Variants in ANKRD28 observed in about 807,000 individuals in gnomAD.
ANKRD28 encodes the protein serine/threonine-protein phosphatase 6 regulatory ankyrin repeat subunit A.
A neutral mutation model predicts 126.5 loss-of-function variants in ANKRD28; 44 were observed. That is an observed-to-expected ratio of 0.35 (90% confidence interval 0.27 to 0.45). The LOEUF (loss-of-function observed/expected upper bound fraction) is 0.45, where lower values mean the gene tolerates loss of function less well. ANKRD28 is among the 20% of genes least tolerant of loss of function. The pLI is 1.00. For synonymous variants in ANKRD28, 442 were observed against 468.5 expected, an observed-to-expected ratio of 0.94 and a Z score of 0.73; for missense variants, 1,110 against 1,316.6, an observed-to-expected ratio of 0.84 and a Z score of 2.43.
At position 15,667,459 on chromosome 3, in the gene ANKRD28, T is replaced by C. The variant is rs2066039455; in HGVS notation, c.*2811A>G. ...CATCAGATATTTCAGATGTCATCTT[T>C]TATGTATAAGTTAAATAAAGCAAAC... On this transcript the variant is annotated 3_prime_UTR_variant, in exon 28 of 28. Coordinates refer to ENST00000683139, the MANE Select transcript of ANKRD28 (RefSeq NM_001349278.2). The C allele has an allele frequency of 6.6e-6, 1 of 152,256 alleles. No homozygotes were observed. The highest frequency in any genetic ancestry group is 2.1e-4 in the South Asian group (1 of 4,834). 9.4% of individuals were successfully genotyped at this position (152,256 alleles called of 1,614,324 possible).
intron 14 of ANKRD28, among the ~76,000 whole-genome samples, chr3:15,703,638 T>G (rs1362974117): frequency 1.3e-5 from 2 of 152,220 alleles, no homozygotes; most frequent in African/African-American, 4.8e-5. Flanking sequence ...AAGATTTCTG[T>G]TGTTTATAAG....
intron 16 of ANKRD28, among the ~76,000 whole-genome samples, 167 bp from the exon 17 acceptor site, chr3:15,694,980 A>G (rs2069327109): frequency 2.0e-5 from 3 of 152,154 alleles, no homozygotes; most frequent in African/African-American, 7.2e-5. Context: ...AAGAGCTTTG[A>G]AGACAGGCAT....
chr3:15,773,588 G>A (rs1180520834), intron 2 of ANKRD28, among the ~76,000 whole-genome samples: 2 of 152,056 alleles, frequency 1.3e-5, no homozygotes, highest in Non-Finnish European at 2.9e-5. Flanking sequence ...CTGCACTCCT[G>A]CCTGGGCAAC....
At position 15,797,677 on chromosome 3, in the gene ANKRD28, T is replaced by C; in HGVS notation, c.-1156A>G. ...ATTCAGAGAAAAAAATAGCAGACTGTGCATCTTCTTTGAGCCAACTACTTT... is the reference window on the plus strand; with the variant it reads ...ATTCAGAGAAAAAAATAGCAGACTGCGCATCTTCTTTGAGCCAACTACTTT... On this transcript the variant is annotated 5_prime_UTR_variant, in exon 1 of 28. Coordinates refer to ENST00000683139, the MANE Select transcript of ANKRD28 (RefSeq NM_001349278.2). The C allele has an allele frequency of 2.0e-6, 2 of 985,440 alleles. No homozygotes were observed. The highest frequency in any genetic ancestry group is 2.4e-6 in the Non-Finnish European group (2 of 829,934). The allele number at this position is 985,440 out of a possible 1,614,324, so 61.0% of individuals were successfully genotyped here.
chr3:15,675,714 G>A (rs758953909), intron 27 of ANKRD28, among the ~76,000 whole-genome samples, 184 bp downstream of exon 27: 5 of 152,200 alleles, frequency 3.3e-5, no homozygotes, highest in Non-Finnish European at 7.3e-5. Context: ...GAATTCGGAA[G>A]TACATCTGTT....
intron 18 of ANKRD28, among the ~76,000 whole-genome samples, chr3:15,687,106 C>T (rs115930109): frequency 1.3e-5 from 2 of 151,684 alleles, no homozygotes; most frequent in Admixed American, 6.6e-5. Context: ...CCACACCCGG[C>T]GATTTTTTTT....
intron 24 of ANKRD28, 99 bp from the exon 25 acceptor site, chr3:15,677,661 C>G (rs1225105839): frequency 2.5e-6 from 2 of 801,180 alleles, no homozygotes; most frequent in Non-Finnish European, 3.9e-6. Flanking sequence ...GCAAAAAAGT[C>G]CCTCTCACAA....
intron 6 of ANKRD28, among the ~76,000 whole-genome samples, chr3:15,730,829 T>A (rs1356013622): frequency 6.6e-6 from 1 of 152,202 alleles, no homozygotes; most frequent in African/African-American, 2.4e-5. Context: ...AGTTCATATG[T>A]TGGAAGTGTA....
exon 1 of ANKRD28, chr3:15,859,472 C>T: frequency 7.2e-7 from 1 of 1,393,934 alleles, no homozygotes; most frequent in Non-Finnish European, 9.7e-7. Flanking sequence ...GCCGACCGGC[C>T]CACTGCTCCC....
intron 14 of ANKRD28, among the ~76,000 whole-genome samples, chr3:15,700,682 G>A (rs991842023): frequency 6.6e-6 from 1 of 152,286 alleles, no homozygotes; most frequent in South Asian, 2.1e-4. Context: ...GCTGAGGCAG[G>A]AGAATTGCTT....
At chr3:15,717,940 A>G (rs2073262862) in intron 8 of ANKRD28, among the ~76,000 whole-genome samples, 1 of 152,216 alleles carries the variant, frequency 6.6e-6, no homozygotes, top group Non-Finnish European at 1.5e-5. Flanking sequence ...AAACAACAAA[A>G]TGGAGAATGT....
At position 15,700,752 on chromosome 3, in the gene ANKRD28, G is replaced by A. The variant is rs775333371; in HGVS notation, c.1548-4507C>T. 3.3e-5 allele frequency among the ~76,000 whole-genome samples: 5 copies of A among 152,014 alleles called. 1 individual carries two copies. The highest frequency in any genetic ancestry group is 6.6e-5 in the Admixed American group (1 of 15,260). The stretch of plus-strand genomic sequence containing the variant: ...TCGCGCCACTGCACTCCAGCCTGGC[G>A]ACAGAGTGAGACTGCAAAAGAAACA... On this transcript the variant is annotated intron_variant, in intron 14 of 27. Transcript: ENST00000683139.
intron 2 of ANKRD28, among the ~76,000 whole-genome samples, chr3:15,791,855 C>T (rs2060042603): frequency 6.6e-6 from 1 of 152,118 alleles, no homozygotes; most frequent in Non-Finnish European, 1.5e-5. Flanking sequence ...ACCCCTCTGA[C>T]AGGGGACTAA....
chr3:15,671,300 G>C (rs915421879), intron 27 of ANKRD28, among the ~76,000 whole-genome samples: 3 of 152,144 alleles, frequency 2.0e-5, no homozygotes, highest in African/African-American at 7.2e-5. Flanking sequence ...ACCTCAGTTG[G>C]TACAAGACTC....
intron 4 of ANKRD28, among the ~76,000 whole-genome samples, chr3:15,737,901 A>T (rs1010083516): frequency 1.1e-4 from 2 of 18,646 alleles, no homozygotes; most frequent in Non-Finnish European, 3.0e-4. Flanking sequence ...AATTTCATTA[A>T]AAAAAAAAAA....
At chr3:15,840,023 T>C (rs1398981690) in intron 1 of ANKRD28, among the ~76,000 whole-genome samples, 2 of 152,204 alleles carry the variant, frequency 1.3e-5, no homozygotes, top group African/African-American at 4.8e-5. Context: ...ACCACTGTTA[T>C]TCAACATAGT....
intron 2 of ANKRD28, among the ~76,000 whole-genome samples, chr3:15,792,574 T>TG (rs1447739716): frequency 3.3e-5 from 5 of 151,874 alleles, no homozygotes; most frequent in Non-Finnish European, 5.9e-5. Context: ...GGAAGGGTAA[T>TG]GGGGGGTTGA....
intron 14 of ANKRD28, among the ~76,000 whole-genome samples, 166 bp downstream of exon 14, chr3:15,707,758 T>C (rs2071653845): frequency 6.6e-6 from 1 of 152,226 alleles, no homozygotes; most frequent in African/African-American, 2.4e-5. Context: ...ATAACTATGA[T>C]TTATCAATAA....
At chr3:15,857,843 C>T (rs1035515435) in intron 1 of ANKRD28, among the ~76,000 whole-genome samples, 3 of 152,184 alleles carry the variant, frequency 2.0e-5, no homozygotes, top group African/African-American at 7.2e-5. Context: ...GTCAAAAATG[C>T]AGGACTAGAA....
Sources: gnomAD v4.1 joint callset for allele counts (sites outside exome capture counted in the v4.1 genomes callset) on GRCh38, gnomAD v4.1.1 for gene constraint, MANE v1.5 for transcripts, NCBI Gene and HGNC (gene_info 2026-07-23, HGNC 2026-07-21) for gene names.